OBSL1: variants seen among roughly 807,000 people sequenced by gnomAD.
OBSL1 encodes obscurin-like protein 1.
A neutral mutation model predicts 172.0 loss-of-function variants in OBSL1; 160 were observed. The observed-to-expected ratio is 0.93, with a 90% CI of 0.82 to 1.06. The LOEUF is 1.06. OBSL1 is among the 50% of genes least tolerant of loss of function. The probability of loss-of-function intolerance (pLI) is 0.00; values close to 1 mark genes in which losing one functional copy is unlikely to be tolerated. For missense variants in OBSL1, 2,681 were observed against 2,715.4 expected, an observed-to-expected ratio of 0.99 and a Z score of 0.28; for synonymous variants, 1,200 against 1,196.3, an observed-to-expected ratio of 1.00 and a Z score of -0.06.
In OBSL1 at chr2:219,551,616, C is replaced by A. The variant is rs1695616307; in HGVS notation, c.5596G>T (p.Val1866Phe). ...TCCTCAGGTCGAACGTCATGGATGACCAGGCTGTGGGTGGGGCCGTGGCTG... is the reference window on the plus strand; with the variant it reads ...TCCTCAGGTCGAACGTCATGGATGAACAGGCTGTGGGTGGGGCCGTGGCTG... ...MRSHGPTHSL[V>F]IHDVRPEDQG... Residue 1866 changes from valine to phenylalanine, a missense_variant, in exon 20 of 21, where the codon GTC (valine) becomes TTC (phenylalanine). Val to Phe is a conservative substitution (Grantham distance 50, BLOSUM62 -1). Around this residue, in one of 5 missense-constraint regions of OBSL1, gnomAD observed 1,765 missense variants for 1,748.3 expected, o/e 1.01. Transcript: ENST00000404537. 1 of 1,611,448 alleles carries A rather than the reference C, an allele frequency of 6.2e-7. No homozygotes were observed. Among genetic ancestry groups the A allele is most frequent in the Non-Finnish European group, 8.5e-7 (1 of 1,178,942 alleles).
intron 16 of OBSL1, 28 bp downstream of exon 16, chr2:219,553,546 G>C (rs1695784849): frequency 1.3e-6 from 2 of 1,536,278 alleles, no homozygotes; most frequent in Non-Finnish European, 1.8e-6. Context: ...TTACACTGAA[G>C]TGGGCTTGGC....
At position 219,552,549 on chromosome 2, in the gene OBSL1, G is replaced by A; in HGVS notation, c.5295C>T (p.Arg1765=). The A allele has an allele frequency of 6.3e-7, 1 of 1,596,388 alleles. No individual in the cohort carries two copies. The highest frequency in any genetic ancestry group is 8.5e-7 in the Non-Finnish European group (1 of 1,177,692). The part of the protein sequence containing the change: ...GRPLRPGARV[R]IRQEGKKHIL... ...AGGCGGGCAGACCTTCCTGTCGGAT[G>A]CGGACGCGGGCTCCGGGTCTCAGCG... The change falls in exon 18 of 21, where the codon CGC becomes CGT. Residue 1765 remains arginine, a synonymous_variant. Transcript: ENST00000404537.
intron 19 of OBSL1, 81 bp from the exon 20 acceptor site, chr2:219,551,879 G>T: frequency 1.1e-6 from 1 of 951,160 alleles, no homozygotes; most frequent in Non-Finnish European, 1.6e-6. Flanking sequence ...CCTCCCTGAA[G>T]TCTCCACTCC....
chr2:219,557,063 A>C, intron 12 of OBSL1: 1 of 479,940 alleles, frequency 2.1e-6, no homozygotes, highest in Non-Finnish European at 3.6e-6. Context: ...CAGGTTGAAC[A>C]ACTTGGCCAA....
intron 7 of OBSL1, 151 bp downstream of exon 7, chr2:219,563,204 A>G: frequency 1.3e-6 from 1 of 751,372 alleles, no homozygotes; most frequent in Non-Finnish European, 2.1e-6. Flanking sequence ...TGACTAGACC[A>G]TAGCTTGAGG....
chr2:219,558,107 G>C lies in OBSL1; in HGVS notation c.3506C>G (p.Pro1169Arg). 2 of 1,613,372 alleles carry C rather than the reference G, an allele frequency of 1.2e-6. No homozygotes were observed. Among genetic ancestry groups the C allele is most frequent in the Non-Finnish European group, 1.7e-6 (2 of 1,179,690 alleles). The change falls in exon 11 of 21, where the codon CCT (proline) becomes CGT (arginine). Residue 1169 changes from proline to arginine, a missense_variant. Transcript: ENST00000404537. ...CTCTAGAGCAAGGAACTGCACTGGA[G>C]GCTCTGGAGAAGAGAGGAAGGTGTC... Reference protein sequence around the residue: ...AITFNVILAEPPVQFLALETT... With the variant: ...AITFNVILAERPVQFLALETT...
chr2:219,553,139 C>T lies in OBSL1; in HGVS notation c.4990-115G>A, dbSNP rs545015457. ...CAAGCGGTCTCGAGGCGCGTTTATG[C>T]GTGTCTCGTGTTCCCAGGCTGGGGT... is the stretch of plus-strand genomic sequence containing the variant. On this transcript the variant is annotated intron_variant, in intron 16 of 20. Coordinates refer to ENST00000404537, the MANE Select transcript of OBSL1 (RefSeq NM_015311.3). 188 of 1,309,116 alleles carry T rather than the reference C, an allele frequency of 1.4e-4. 2 individuals carry two copies. The South Asian group carries it at 2.2e-3, about 15-fold the overall frequency. The allele number at this position is 1,309,116 out of a possible 1,614,324, so 81.1% of individuals were successfully genotyped here. A position where few individuals can be genotyped will look rare whatever the true frequency, so the allele number is the denominator to read the frequency against.
downstream of OBSL1, chr2:219,549,869 C>T: frequency 3.7e-6 from 6 of 1,606,838 alleles, no homozygotes; most frequent in Non-Finnish European, 5.1e-6. Flanking sequence ...ATCTGTCTGT[C>T]TAGACTCTGC....
intron 17 of OBSL1, 76 bp from the exon 18 acceptor site, chr2:219,552,773 C>A: frequency 6.6e-7 from 1 of 1,515,712 alleles, no homozygotes; most frequent in Non-Finnish European, 8.9e-7. Flanking sequence ...CGCCCCCTTT[C>A]TAGAAGCACG....
rs1194744246 is a variant in OBSL1 at position 219,551,550 on chromosome 2, G to C, written c.5662C>G (p.His1888Asp). 8 of 1,597,602 alleles carry C rather than the reference G, an allele frequency of 5.0e-6. No homozygotes were observed. The highest frequency in any genetic ancestry group is 6.8e-6 in the Non-Finnish European group (8 of 1,172,350). Residue 1888 changes from histidine (H) to aspartate (D), a missense_variant, in exon 20 of 21, where the codon CAC (histidine) becomes GAC (aspartate). By Grantham distance (81) the His-to-Asp change is moderately conservative (BLOSUM62 -1). This residue lies in a region of OBSL1 where 1,765 missense variants were observed against 1,748.3 expected (regional missense o/e 1.01). Coordinates refer to ENST00000404537, the MANE Select transcript of OBSL1 (RefSeq NM_015311.3). ...TCACCCTCTACCAGCAGCCGTGTGT[G>C]GGTGCTGTCCTGGCCGGCCTGGCAG... ...YCCQAGQDST[H>D]TRLLVEGN
Position 219,570,493 on chromosome 2 carries a change from G to C in OBSL1, c.740C>G (p.Pro247Arg), listed in dbSNP as rs992455888. Reference protein sequence around the residue: ...PDEAPAPVVEPLKCAPKTFWV... With the variant: ...PDEAPAPVVERLKCAPKTFWV... ...GAAGGTCTTAGGCGCGCACTTGAGC[G>C]GCTCCACCACCGGCGCGGGGGCCTC... is the stretch of plus-strand genomic sequence containing the variant. The change falls in exon 1 of 21, where the codon CCG (proline) becomes CGG (arginine). Residue 247 changes from proline (P) to arginine (R), a missense_variant. Physicochemically the swap from Pro to Arg is moderately radical, Grantham distance 103. Transcript: ENST00000404537. The C allele has an allele frequency of 2.2e-5, 35 of 1,612,136 alleles. No individual in the cohort carries two copies. Among genetic ancestry groups the C allele is most frequent in the Non-Finnish European group, 2.9e-5 (34 of 1,179,434 alleles).
chr2:219,559,180 C>T (rs757865768), intron 9 of OBSL1, 45 bp downstream of exon 9: 8 of 1,546,912 alleles, frequency 5.2e-6, no homozygotes, highest in Non-Finnish European at 7.0e-6. Context: ...TGTCCCTTAG[C>T]CCCCTACCTC....
In OBSL1 at chr2:219,562,481, G is replaced by A. The variant is rs779745165; in HGVS notation, c.2874C>T (p.Pro958=). The change falls in exon 8 of 21, where the codon CCC becomes CCT. Residue 958 remains proline (P), a synonymous_variant. Transcript: ENST00000404537. ...KEDTVRRLVL[P]AVQLEDSGEY... is the part of the protein sequence containing the mutation. ...CGCCGGAGTCCTCGAGCTGGACAGC[G>A]GGCAGCACCAGGCGGCGGACAGTGT... 28 of 1,613,888 alleles carry A rather than the reference G, an allele frequency of 1.7e-5. No individual in the cohort carries two copies. The highest frequency in any genetic ancestry group is 2.2e-5 in the South Asian group (2 of 91,092).
chr2:219,565,878 T>A (rs987098379), intron 5 of OBSL1, among the ~76,000 whole-genome samples: 2 of 152,180 alleles, frequency 1.3e-5, no homozygotes, highest in Admixed American at 1.3e-4. Flanking sequence ...CAAGACCCCG[T>A]GCATGGGTGC....
Position 219,553,566 on chromosome 2 carries a change from G to A in OBSL1, c.4989+8C>T. 1 of 1,607,336 alleles carries A rather than the reference G, an allele frequency of 6.2e-7. No individual in the cohort carries two copies. Among genetic ancestry groups the A allele is most frequent in the Non-Finnish European group, 8.5e-7 (1 of 1,174,464 alleles). On this transcript the variant is annotated splice_region_variant and intron_variant, in intron 16 of 20. Transcript: ENST00000404537. ...CTGAAGTGGGCTTGGCTGGGGCTGG[G>A]ATCTGACCTTCTCCCAGGTAACATC...
downstream of OBSL1, chr2:219,548,066 G>A: frequency 6.4e-7 from 1 of 1,564,466 alleles, no homozygotes; most frequent in Non-Finnish European, 8.6e-7. Flanking sequence ...AGCTGAGGGG[G>A]ACTCCCACAC....
At position 219,571,172 on chromosome 2, in the gene OBSL1, C is replaced by T. The variant is rs563828175; in HGVS notation, c.61G>A (p.Val21Met). The T allele has an allele frequency of 1.6e-5, 24 of 1,481,694 alleles. No homozygotes were observed. The South Asian group carries it at 3.0e-4, about 18-fold the overall frequency. 91.8% of individuals were successfully genotyped at this position (1,481,694 alleles called of 1,614,324 possible). A position where few individuals can be genotyped will look rare whatever the true frequency, so the allele number is the denominator to read the frequency against. ...GCCTCGGCGCCACTTACCACCCGCA[C>T]AGGCCGCGGGAAGCGCAGGAAGCAC... ...PPCFLRFPRP[V>M]RVVSGAEAEL... The change falls in exon 1 of 21, where the codon GTG becomes ATG. Residue 21 changes from valine to methionine, a missense_variant. Transcript: ENST00000404537.
At position 219,558,168 on chromosome 2, in the gene OBSL1, G is replaced by C. The variant is rs966010854; in HGVS notation, c.3502+16C>G. ...TGCCCTTGCCTCCCTGCCCTGGGTT[G>C]GCCAGGAGCACCCACCAGCCAGGAT... On this transcript the variant is annotated intron_variant, in intron 10 of 20. Coordinates refer to ENST00000404537, the MANE Select transcript of OBSL1 (RefSeq NM_015311.3). The C allele has an allele frequency of 6.2e-7, 1 of 1,608,432 alleles. No homozygotes were observed. The highest frequency in any genetic ancestry group is 1.7e-5 in the Admixed American group (1 of 59,672).
chr2:219,551,628 TG>T lies in OBSL1; in HGVS notation c.5583del (p.Thr1862ProfsTer32), dbSNP rs758433808. 16 of 1,611,414 alleles carry T rather than the reference TG, an allele frequency of 9.9e-6. No homozygotes were observed. The highest frequency in any genetic ancestry group is 1.4e-5 in the Non-Finnish European group (16 of 1,179,050). On this transcript the variant is annotated frameshift_variant, in exon 20 of 21. Coordinates refer to ENST00000404537, the MANE Select transcript of OBSL1 (RefSeq NM_015311.3). LOFTEE classifies it high-confidence loss of function. ...ACGTCATGGATGACCAGGCTGTGGG[TG>T]GGGCCGTGGCTGCGCATCTCATACT... is the stretch of plus-strand genomic sequence containing the variant. ...GDKYEMRSHG[P>X]THSLVIHDVR... is the part of the protein sequence containing the mutation.
Sources: gnomAD v4.1 joint callset for allele counts (sites outside exome capture counted in the v4.1 genomes callset) on GRCh38, gnomAD v4.1.1 for gene constraint, gnomAD v4.1.1 regional missense constraint, MANE v1.5 for transcripts, NCBI Gene and HGNC (gene_info 2026-07-23, HGNC 2026-07-21) for gene names.